The following CXADR variants were observed in gnomAD, a reference collection of about 807,000 sequenced individuals.
The protein encoded by CXADR is coxsackievirus and adenovirus receptor.
CXADR carries 20 observed loss-of-function variants against 40.3 expected under a neutral mutation model. The ratio of observed to expected loss-of-function variants is 0.50; its 90% CI spans 0.35 to 0.72. CXADR has a LOEUF of 0.72. CXADR is among the 30% of genes least tolerant of loss of function. The pLI, the probability that CXADR is intolerant of heterozygous loss-of-function variation, is 0.01. For synonymous variants in CXADR, 150 were observed against 161.3 expected (o/e 0.93, Z 0.53); for missense variants, 332 against 449.1 (o/e 0.74, Z 2.36).
chr21:17,592,018 C>T (rs1355570699), intron 7 of CXADR, among the ~76,000 whole-genome samples: 2 of 151,848 alleles, frequency 1.3e-5, no homozygotes, highest in Non-Finnish European at 2.9e-5. Context: ...AGTCGAAACA[C>T]TGGCAGAATC....
At chr21:17,592,308 T>C (rs1215938306) in intron 7 of CXADR, among the ~76,000 whole-genome samples, 1 of 151,996 alleles carries the variant, frequency 6.6e-6, no homozygotes, top group Non-Finnish European at 1.5e-5. Flanking sequence ...AAGTGCCTTA[T>C]ATAAAATGGC....
intron 1 of CXADR, among the ~76,000 whole-genome samples, chr21:17,541,581 C>G (rs1022903108): frequency 6.6e-6 from 1 of 150,828 alleles, no homozygotes; most frequent in African/African-American, 2.4e-5. Context: ...TATGTTCCAC[C>G]TATTCTCCTC....
intron 7 of CXADR, among the ~76,000 whole-genome samples, chr21:17,585,060 G>A (rs1185430589): frequency 8.6e-5 from 13 of 152,032 alleles, no homozygotes; most frequent in Admixed American, 8.5e-4. Flanking sequence ...ATTGAATTTT[G>A]TGGCTTTACT....
Position 17,568,719 on chromosome 21 carries a change from T to C in CXADR, c.*3027T>C. On this transcript the variant is annotated 3_prime_UTR_variant, in exon 7 of 7. Transcript: ENST00000284878. ...TCTGTACTTTGAATATGGAGTAGTTTACAGCTATTTTTTTTTCTTACTGGT... is the reference window on the plus strand; with the variant it reads ...TCTGTACTTTGAATATGGAGTAGTTCACAGCTATTTTTTTTTCTTACTGGT... The C allele has an allele frequency of 1.0e-6, 1 of 985,154 alleles. No individual in the cohort carries two copies. The highest frequency in any genetic ancestry group is 4.7e-5 in the South Asian group (1 of 21,280). The allele number at this position is 985,154 out of a possible 1,614,324, so 61.0% of individuals were successfully genotyped here.
the CXADR span, among the ~76,000 whole-genome samples, chr21:17,627,287 C>T: frequency 2.0e-5 from 3 of 151,856 alleles, no homozygotes; most frequent in Admixed American, 6.6e-5. Context: ...ACCTAGGAGG[C>T]GGAGGTTGCG....
At chr21:17,593,209 G>T (rs1313851021) in exon 8 of CXADR, 4 of 1,436,446 alleles carry the variant, frequency 2.8e-6, no homozygotes, top group Non-Finnish European at 3.7e-6. Flanking sequence ...GACTACTGAA[G>T]AATCTGAAGT....
chr21:17,549,891 T>A (rs2060943831), intron 2 of CXADR, among the ~76,000 whole-genome samples: 1 of 152,128 alleles, frequency 6.6e-6, no homozygotes, highest in African/African-American at 2.4e-5. Flanking sequence ...GTAGCCAGAT[T>A]TGTGGAGTAG....
intron 4 of CXADR, among the ~76,000 whole-genome samples, chr21:17,559,658 C>G (rs1340784378): frequency 5.9e-5 from 6 of 101,782 alleles, no homozygotes; most frequent in Non-Finnish European, 1.2e-4. Context: ...TACTTTGGTA[C>G]TTTTTTTTGG....
chr21:17,564,422 A>G (rs1334733123), intron 6 of CXADR, among the ~76,000 whole-genome samples: 2 of 152,074 alleles, frequency 1.3e-5, no homozygotes, highest in East Asian at 1.9e-4. Context: ...AATACCTAAT[A>G]TAATGTAAAT....
At chr21:17,623,492 C>T in the CXADR span, among the ~76,000 whole-genome samples, 3 of 152,136 alleles carry the variant, frequency 2.0e-5, no homozygotes, top group African/African-American at 7.2e-5. Flanking sequence ...CCTCTCTTTA[C>T]ATTCATTTCC....
chr21:17,598,845 T>C, the CXADR span: 2 of 1,593,448 alleles, frequency 1.3e-6, no homozygotes, highest in African/African-American at 2.7e-5. Flanking sequence ...AATTAAAAAC[T>C]TACAAATCTT....
chr21:17,534,251 C>T (rs1298755787), intron 1 of CXADR, among the ~76,000 whole-genome samples: 1 of 151,234 alleles, frequency 6.6e-6, no homozygotes, highest in African/African-American at 2.4e-5. Flanking sequence ...TGCCTGCCAC[C>T]ACACCCGGCT....
At chr21:17,564,196 C>G (rs972231828) in intron 6 of CXADR, among the ~76,000 whole-genome samples, 2 of 150,304 alleles carry the variant, frequency 1.3e-5, no homozygotes, top group African/African-American at 4.9e-5. Flanking sequence ...GCTCAAGTCC[C>G]TGATATAAAA....
chr21:17,592,796 TAA>T (rs1424456233), intron 7 of CXADR, among the ~76,000 whole-genome samples: 1 of 151,938 alleles, frequency 6.6e-6, no homozygotes, highest in Non-Finnish European at 1.5e-5. Context: ...GTGTATGGCT[TAA>T]AGAGTACAAT....
At chr21:17,619,840 A>G in the CXADR span, among the ~76,000 whole-genome samples, 1 of 134,126 alleles carries the variant, frequency 7.5e-6, no homozygotes, top group Non-Finnish European at 1.7e-5. Context: ...TATGTTATGG[A>G]GATGGCTTTT....
chr21:17,575,894 C>G (rs1365510809), intron 7 of CXADR, among the ~76,000 whole-genome samples: 1 of 151,404 alleles, frequency 6.6e-6, no homozygotes, highest in African/African-American at 2.4e-5. Context: ...TCAAGACCAA[C>G]CTGACCAACA....
chr21:17,594,181 C>A, downstream of CXADR: 1 of 1,613,156 alleles, frequency 6.2e-7, no homozygotes, highest in Non-Finnish European at 8.5e-7. Context: ...TGGAATTGGG[C>A]GATATGGTTT....
At chr21:17,518,162 G>T (rs542050195) in intron 1 of CXADR, among the ~76,000 whole-genome samples, 197 of 152,184 alleles carry the variant, frequency 1.3e-3, no homozygotes, top group African/African-American at 4.6e-3. Context: ...TTTCTACTGG[G>T]GAGGGAGGAG....
At chr21:17,513,356 C>G (rs2277783) in intron 1 of CXADR, among the ~76,000 whole-genome samples, 184 bp downstream of exon 1, 1 of 152,024 alleles carries the variant, frequency 6.6e-6, no homozygotes, top group Admixed American at 6.5e-5. Context: ...CTCCTGGAGC[C>G]GTCCCGTAGG....
Sources: gnomAD v4.1 joint callset for allele counts (sites outside exome capture counted in the v4.1 genomes callset) on GRCh38, gnomAD v4.1.1 for gene constraint, MANE v1.5 for transcripts, NCBI Gene and HGNC (gene_info 2026-07-23, HGNC 2026-07-21) for gene names.